The following TRPM3 variants were observed in gnomAD, a reference collection of about 807,000 sequenced individuals.
TRPM3 encodes long transient receptor potential channel 3.
TRPM3 carries 77 observed loss-of-function variants against 181.2 expected under a neutral mutation model. The observed-to-expected ratio is 0.42, with a 90% CI of 0.35 to 0.51. The LOEUF is 0.51. TRPM3 is among the 20% of genes least tolerant of loss of function. TRPM3 has a pLI of 0.01. For synonymous variants in TRPM3, 745 were observed against 796.4 expected (o/e 0.94, Z 1.09); for missense variants, 1,759 against 2,196.7 (o/e 0.80, Z 3.98).
intron 5 of TRPM3, among the ~76,000 whole-genome samples, chr9:70,834,908 C>T (rs192930125): frequency 5.3e-5 from 8 of 152,246 alleles, no homozygotes; most frequent in East Asian, 1.9e-4. Context: ...CTTGTCTCCC[C>T]GAAATCTCAT....
intron 22 of TRPM3, among the ~76,000 whole-genome samples, chr9:70,582,903 CAT>C (rs1564428176): frequency 6.6e-6 from 1 of 152,186 alleles, no homozygotes; most frequent in African/African-American, 2.4e-5. Flanking sequence ...TTCTTTGAAA[CAT>C]GTGGGTTATG....
chr9:70,847,564 G>C (rs778882661), intron 3 of TRPM3, among the ~76,000 whole-genome samples: 1 of 152,134 alleles, frequency 6.6e-6, no homozygotes, highest in African/African-American at 2.4e-5. Flanking sequence ...TTGCATGCAG[G>C]GGGGAATTGA....
intron 1 of TRPM3, among the ~76,000 whole-genome samples, chr9:70,868,575 C>T (rs1467921852): frequency 6.6e-6 from 1 of 151,996 alleles, no homozygotes; most frequent in African/African-American, 2.4e-5. Context: ...GAATCAAGTT[C>T]TCCAGGCAGG....
intron 1 of TRPM3, among the ~76,000 whole-genome samples, chr9:71,246,364 C>T (rs964374885): frequency 6.6e-6 from 1 of 152,138 alleles, no homozygotes; most frequent in Non-Finnish European, 1.5e-5. Context: ...TGTGAATGGA[C>T]AAAATCAATG....
intron 1 of TRPM3, among the ~76,000 whole-genome samples, chr9:71,384,680 A>T (rs531888105): frequency 4.6e-5 from 7 of 152,370 alleles, no homozygotes; most frequent in African/African-American, 1.7e-4. Flanking sequence ...TAGGATTTTT[A>T]GGCAATGCCA....
chr9:71,380,100 T>G (rs1381631867), intron 1 of TRPM3, among the ~76,000 whole-genome samples: 1 of 152,082 alleles, frequency 6.6e-6, no homozygotes, highest in Non-Finnish European at 1.5e-5. Context: ...TTGACTAAAA[T>G]TGTTAGTATA....
chr9:71,259,079 G>A (rs2082866445), intron 1 of TRPM3, among the ~76,000 whole-genome samples: 1 of 151,608 alleles, frequency 6.6e-6, no homozygotes, highest in Non-Finnish European at 1.5e-5. Context: ...AGTGTGTGAT[G>A]TTCCCCTCCC....
At chr9:71,274,390 T>C (rs1466888991) in intron 1 of TRPM3, among the ~76,000 whole-genome samples, 1 of 152,212 alleles carries the variant, frequency 6.6e-6, no homozygotes, top group Non-Finnish European at 1.5e-5. Context: ...GATAATACTA[T>C]TGTCCTGTTT....
At chr9:71,326,573 C>T (rs1456496776) in intron 1 of TRPM3, among the ~76,000 whole-genome samples, 1 of 152,208 alleles carries the variant, frequency 6.6e-6, no homozygotes, top group East Asian at 1.9e-4. Flanking sequence ...GCAACTGGTA[C>T]TTCTCAAGCA....
chr9:70,770,919 G>A (rs1374390176), intron 7 of TRPM3, among the ~76,000 whole-genome samples: 1 of 152,156 alleles, frequency 6.6e-6, no homozygotes, highest in East Asian at 1.9e-4. Flanking sequence ...CCATCCCTAT[G>A]GGGGAGATAG....
intron 8 of TRPM3, among the ~76,000 whole-genome samples, chr9:70,682,328 TC>T (rs1234006934): frequency 6.6e-6 from 1 of 152,040 alleles, no homozygotes; most frequent in Non-Finnish European, 1.5e-5. Flanking sequence ...AATCAAAACA[TC>T]ACTAATGCAA....
chr9:70,786,168 T>C (rs570325945), intron 6 of TRPM3, among the ~76,000 whole-genome samples: 4 of 151,976 alleles, frequency 2.6e-5, no homozygotes, highest in Admixed American at 2.6e-4. Flanking sequence ...AAAGGTACTT[T>C]AAAGATTAAG....
chr9:70,549,752 TTCTCAGTATAAA>T (rs1225732308), intron 24 of TRPM3, 78 bp from the exon 25 acceptor site: 3 of 1,456,742 alleles, frequency 2.1e-6, no homozygotes, highest in Non-Finnish European at 2.7e-6. Flanking sequence ...CCTAGTGACA[TTCTCAGTATAAA>T]TCTAGGTGGG....
chr9:71,200,972 T>G (rs900193793), intron 1 of TRPM3, among the ~76,000 whole-genome samples: 1 of 152,078 alleles, frequency 6.6e-6, no homozygotes, highest in Non-Finnish European at 1.5e-5. Flanking sequence ...CTAGCCTCGA[T>G]GGTCTTTACA....
intron 1 of TRPM3, among the ~76,000 whole-genome samples, chr9:70,873,946 G>C (rs1367325743): frequency 1.3e-5 from 2 of 151,778 alleles, no homozygotes; most frequent in Non-Finnish European, 2.9e-5. Flanking sequence ...ATTCACCCTA[G>C]GGGAATAATC....
At chr9:70,690,098 A>G (rs1369780718) in intron 8 of TRPM3, among the ~76,000 whole-genome samples, 3 of 152,170 alleles carry the variant, frequency 2.0e-5, no homozygotes, top group Middle Eastern at 3.2e-3. Context: ...ATGAAAATAA[A>G]CATGATATTA....
intron 1 of TRPM3, among the ~76,000 whole-genome samples, chr9:71,322,893 T>C (rs1259645345): frequency 6.6e-6 from 1 of 152,168 alleles, no homozygotes; most frequent in East Asian, 1.9e-4. Context: ...AAGTGCTTAG[T>C]TCAACTAATA....
At chr9:71,156,404 C>CAT (rs1320723684) in intron 1 of TRPM3, among the ~76,000 whole-genome samples, 1 of 147,748 alleles carries the variant, frequency 6.8e-6, no homozygotes, top group Non-Finnish European at 1.5e-5. Context: ...CACACACACA[C>CAT]ACACACACAC....
intron 1 of TRPM3, among the ~76,000 whole-genome samples, chr9:70,879,511 C>T (rs1010836672): frequency 1.3e-5 from 2 of 152,032 alleles, no homozygotes; most frequent in African/African-American, 4.8e-5. Context: ...ACTCTCTATC[C>T]TGACTAATAG....
Sources: gnomAD v4.1 joint callset for allele counts (sites outside exome capture counted in the v4.1 genomes callset) on GRCh38, gnomAD v4.1.1 for gene constraint, MANE v1.5 for transcripts, NCBI Gene and HGNC (gene_info 2026-07-23, HGNC 2026-07-21) for gene names.